WDR62: variants seen among roughly 807,000 people sequenced by gnomAD.
The protein encoded by WDR62 is WD repeat domain 62.
A neutral mutation model predicts 160.6 loss-of-function variants in WDR62; 112 were observed. The ratio of observed to expected loss-of-function variants is 0.70; its 90% CI spans 0.60 to 0.82. WDR62 has a LOEUF of 0.82. Ranked by LOEUF, WDR62 falls within the 40% of genes least tolerant of loss-of-function variation. The pLI, the probability that WDR62 is intolerant of heterozygous loss-of-function variation, is 0.00. For synonymous variants in WDR62, 792 were observed against 815.1 expected (o/e 0.97, Z 0.48); for missense variants, 1,819 against 1,983.8 (o/e 0.92, Z 1.58).
intron 10 of WDR62, 95 bp from the exon 11 acceptor site, chr19:36,082,968 T>C: frequency 9.2e-7 from 1 of 1,084,146 alleles, no homozygotes. Context: ...ATTAGAGTTG[T>C]ATTACTAACG....
chr19:36,054,932 CGGTTAGGGGATGT>C lies in WDR62; in HGVS notation c.-39_-27del, dbSNP rs1220315989. The C allele has an allele frequency of 1.3e-6, 2 of 1,553,312 alleles. No individual in the cohort carries two copies. Among genetic ancestry groups the C allele is most frequent in the Admixed American group, 3.8e-5 (2 of 52,252 alleles). On this transcript the variant is annotated 5_prime_UTR_variant, in exon 1 of 32. The change abolishes an upstream ATG in the 5' untranslated region. Coordinates refer to ENST00000401500, the MANE Select transcript of WDR62 (RefSeq NM_001083961.2). Reference sequence around the variant, plus strand: ...TGGGTCGTGGCGGTGGCGGCAGCGGCGGTTAGGGGATGTAACGGTCGCCCGCCTCCGGCGTGAC... The same window carrying C: ...TGGGTCGTGGCGGTGGCGGCAGCGGCAACGGTCGCCCGCCTCCGGCGTGAC...
rs780251387 is a variant in WDR62 at position 36,104,934 on chromosome 19, T to C, written c.4478T>C (p.Leu1493Pro). ...CCAGGACCCCCGTCCCCACCGACGC[T>C]GTACCCCCTGGCCAGCCCAGACCTG... ...PSPGPPSPPT[L>P]YPLASPDLQA... The change falls in exon 32 of 32, where the codon CTG becomes CCG. Residue 1493 changes from leucine (L) to proline (P), a missense_variant. Coordinates refer to ENST00000401500, the MANE Select transcript of WDR62 (RefSeq NM_001083961.2). 3 of 1,608,656 alleles carry C rather than the reference T, an allele frequency of 1.9e-6. No homozygotes were observed. The highest frequency in any genetic ancestry group is 2.2e-5 in the South Asian group (2 of 90,558).
chr19:36,104,275 CAG>C (rs1029924658), intron 30 of WDR62, among the ~76,000 whole-genome samples: 4 of 152,184 alleles, frequency 2.6e-5, no homozygotes, highest in African/African-American at 9.6e-5. Context: ...TTAGGAGGGA[CAG>C]AGGAGGGCGA....
At position 36,094,277 on chromosome 19, in the gene WDR62, G is replaced by T; in HGVS notation, c.2467+113G>T. The T allele has an allele frequency of 4.3e-6, 6 of 1,399,744 alleles. No individual in the cohort carries two copies. The South Asian group carries it at 5.9e-5, about 14-fold the overall frequency. The allele number at this position is 1,399,744 out of a possible 1,614,324, so 86.7% of individuals were successfully genotyped here. On this transcript the variant is annotated intron_variant, in intron 20 of 31. Coordinates refer to ENST00000401500, the MANE Select transcript of WDR62 (RefSeq NM_001083961.2). The stretch of plus-strand genomic sequence containing the variant: ...CATATTAAAACTCAGGAGTCGACAG[G>T]GTGCGGTGGCTGATACCTGTAATCC...
chr19:36,107,739 TC>T (rs1203150737), downstream of WDR62, among the ~76,000 whole-genome samples: 2 of 151,966 alleles, frequency 1.3e-5, no homozygotes, highest in Non-Finnish European at 2.9e-5. Context: ...GGGCTGGTAA[TC>T]AGAGAGGATC....
intron 30 of WDR62, 124 bp from the exon 31 acceptor site, chr19:36,104,394 G>A: frequency 8.0e-7 from 1 of 1,251,430 alleles, no homozygotes; most frequent in Non-Finnish European, 1.1e-6. Flanking sequence ...TGAAGGGGAG[G>A]GAGCCTTGGG....
rs754255599 is a variant in WDR62 at position 36,104,629 on chromosome 19, A to AG, written c.4265_4266insG (p.His1422GlnfsTer33). 3.7e-6 allele frequency: 6 copies of AG among 1,614,058 alleles called. No individual in the cohort carries two copies. Among genetic ancestry groups the AG allele is most frequent in the Non-Finnish European group, 4.2e-6 (5 of 1,180,020 alleles). ...CTGAGCAGGGTGGGGAACATCTTGC[A>AG]CAGGCTGCAGACCACCTTCCAAGAA... is the stretch of plus-strand genomic sequence containing the variant. On this transcript the variant is annotated frameshift_variant, in exon 31 of 32. Coordinates refer to ENST00000401500, the MANE Select transcript of WDR62 (RefSeq NM_001083961.2). LOFTEE classifies it low-confidence loss of function (END_TRUNC).
intron 13 of WDR62, 78 bp downstream of exon 13, chr19:36,086,890 T>C: frequency 6.5e-7 from 1 of 1,531,118 alleles, no homozygotes; most frequent in Non-Finnish European, 8.9e-7. Flanking sequence ...AACTCTCCTG[T>C]AAAATATATA....
At position 36,104,818 on chromosome 19, in the gene WDR62, G is replaced by T. The variant is rs779504562; in HGVS notation, c.4362G>T (p.Glu1454Asp). The T allele has an allele frequency of 1.2e-5, 20 of 1,613,580 alleles. No individual in the cohort carries two copies. In the East Asian group the frequency reaches 3.6e-4, roughly 29 times the overall value. The change falls in exon 32 of 32, where the codon GAG becomes GAT. Residue 1454 changes from glutamate to aspartate, a missense_variant. Coordinates refer to ENST00000401500, the MANE Select transcript of WDR62 (RefSeq NM_001083961.2). ...CCGGGCAGCAGCAGGCACGGACTGA[G>T]CTGGTCTCCACCTTCCTGTGGATCC... ...VDTGQQQART[E>D]LVSTFLWIHS...
intron 3 of WDR62, chr19:36,062,438 T>G (rs577611980): frequency 6.6e-6 from 1 of 151,706 alleles, no homozygotes; most frequent in South Asian, 2.1e-4. Flanking sequence ...TCATTTGAGG[T>G]CAGGAGTTTG....
intron 3 of WDR62, among the ~76,000 whole-genome samples, chr19:36,065,449 G>A (rs970542971): frequency 6.6e-6 from 1 of 152,214 alleles, no homozygotes; most frequent in Non-Finnish European, 1.5e-5. Flanking sequence ...TTCATTCAGT[G>A]CTTGTGCAGG....
intron 8 of WDR62, among the ~76,000 whole-genome samples, chr19:36,072,417 C>T (rs1971347774): frequency 6.6e-6 from 1 of 152,172 alleles, no homozygotes; most frequent in Non-Finnish European, 1.5e-5. Flanking sequence ...GTAGTCTATC[C>T]TCAGGTCAGT....
At chr19:36,057,778 T>C (rs1186602813) in intron 1 of WDR62, among the ~76,000 whole-genome samples, 2 of 152,184 alleles carry the variant, frequency 1.3e-5, no homozygotes, top group African/African-American at 4.8e-5. Context: ...TGTTTAAATT[T>C]TAAATATTAC....
chr19:36,059,797 G>A (rs1198887582), intron 2 of WDR62, among the ~76,000 whole-genome samples, 171 bp from the exon 3 acceptor site: 1 of 152,208 alleles, frequency 6.6e-6, no homozygotes, highest in Non-Finnish European at 1.5e-5. Flanking sequence ...ACATAGCAAT[G>A]TTAAAGTGCC....
At chr19:36,099,765 A>C (rs1973215782) in intron 22 of WDR62, 148 bp downstream of exon 22, 3 of 809,310 alleles carry the variant, frequency 3.7e-6, no homozygotes, top group Non-Finnish European at 6.1e-6. Context: ...GGTCTGTTGC[A>C]CAGCAAGACT....
intron 16 of WDR62, 44 bp downstream of exon 16, chr19:36,090,564 C>T: frequency 6.3e-7 from 1 of 1,576,298 alleles, no homozygotes; most frequent in Non-Finnish European, 8.7e-7. Flanking sequence ...CCTGATGGGC[C>T]ACCTATTGTG....
intron 11 of WDR62, 35 bp from the exon 12 acceptor site, chr19:36,084,618 G>A (rs763265007): frequency 1.2e-5 from 19 of 1,603,514 alleles, no homozygotes; most frequent in Admixed American, 1.7e-5. Flanking sequence ...TGGGGCTGGG[G>A]TGTGGGGCTT....
the WDR62 span, chr19:36,111,078 T>C: frequency 1.4e-5 from 13 of 911,648 alleles, no homozygotes; most frequent in South Asian, 1.6e-4. Context: ...GCCAGGAAAT[T>C]TGCATGAAGA....
intron 1 of WDR62, among the ~76,000 whole-genome samples, chr19:36,056,166 AAAAT>A (rs901191290): frequency 2.0e-5 from 3 of 152,174 alleles, no homozygotes; most frequent in African/African-American, 7.2e-5. Flanking sequence ...ACTCTGTCTC[AAAAT>A]AAATAAATAA....
Sources: allele counts gnomAD v4.1 joint callset (sites outside exome capture counted in the v4.1 genomes callset), GRCh38; gene constraint gnomAD v4.1.1; transcripts MANE v1.5; gene names NCBI Gene and HGNC (gene_info 2026-07-23, HGNC 2026-07-21).